RBFOX2: variants seen among roughly 807,000 people sequenced by gnomAD.
The protein encoded by RBFOX2 is RNA binding protein fox-1 homolog 2.
In RBFOX2, 10 loss-of-function variants were observed where a neutral mutation model predicts 49.1. That is an observed-to-expected ratio of 0.20 (90% CI 0.13 to 0.35). The LOEUF is 0.35. Among genes scored for constraint, RBFOX2 ranks in the 10% least tolerant of loss-of-function variants. RBFOX2 has a pLI of 1.00. For missense variants in RBFOX2, 323 were observed against 486.9 expected (o/e 0.66, Z 3.17); for synonymous variants, 183 against 187.4 (o/e 0.98, Z 0.19).
intron 1 of RBFOX2, among the ~76,000 whole-genome samples, chr22:35,909,893 G>A (rs1377107526): frequency 6.6e-6 from 1 of 152,212 alleles, no homozygotes; most frequent in Non-Finnish European, 1.5e-5. Context: ...GATTATAGGC[G>A]TGAGCCACTG....
Position 35,885,973 on chromosome 22 carries a change from C to T in RBFOX2, c.-34+52874G>A, listed in dbSNP as rs138127616. On this transcript the variant is annotated intron_variant, in intron 1 of 13. Coordinates refer to the RBFOX2 transcript ENST00000359369. Reference sequence around the variant, plus strand: ...CCGGGTCCACGCCATTCTCCTGCCTCAGCCTCCTGAGTAGCTGGAACTACA... The same window carrying T: ...CCGGGTCCACGCCATTCTCCTGCCTTAGCCTCCTGAGTAGCTGGAACTACA... Among the ~76,000 whole-genome samples the T allele has an allele frequency of 4.3e-3, 646 of 150,040 alleles. 2 individuals carry two copies. The highest frequency in any genetic ancestry group is 0.015 in the African/African-American group (618 of 40,776).
At chr22:35,804,975 A>G (rs1351560668) in intron 2 of RBFOX2, among the ~76,000 whole-genome samples, 5 of 152,148 alleles carry the variant, frequency 3.3e-5, no homozygotes, top group Non-Finnish European at 7.4e-5. Flanking sequence ...ATAATAAGAA[A>G]ACAAACAACC....
chr22:35,819,086 G>A (rs1953856630), intron 1 of RBFOX2, among the ~76,000 whole-genome samples: 1 of 152,114 alleles, frequency 6.6e-6, no homozygotes, highest in Non-Finnish European at 1.5e-5. Context: ...GTCAACCAGG[G>A]ACTGAATCAT....
At chr22:35,797,179 C>A (rs1284931916) in intron 2 of RBFOX2, among the ~76,000 whole-genome samples, 1 of 152,022 alleles carries the variant, frequency 6.6e-6, no homozygotes, top group Non-Finnish European at 1.5e-5. Context: ...TCTTTTAAAT[C>A]AAAATATCAG....
At chr22:35,740,477 A>C (rs896441294) in exon 12 of RBFOX2, 2 of 152,548 alleles carry the variant, frequency 1.3e-5, no homozygotes, top group African/African-American at 4.8e-5. Context: ...TCCTATCTTA[A>C]AACAGTGCAA....
At chr22:35,964,739 G>A (rs767631282), upstream of RBFOX2, among the ~76,000 whole-genome samples, 3 of 152,158 alleles carry the variant, frequency 2.0e-5, no homozygotes, top group Non-Finnish European at 4.4e-5. Context: ...AGAGGACCAT[G>A]CTAAAGAGGC....
chr22:35,760,344 C>T (rs1490573512), intron 8 of RBFOX2, among the ~76,000 whole-genome samples: 1 of 152,096 alleles, frequency 6.6e-6, no homozygotes, highest in Non-Finnish European at 1.5e-5. Context: ...AGAATGACTG[C>T]CATAATAAGA....
intron 2 of RBFOX2, among the ~76,000 whole-genome samples, chr22:35,802,660 C>A (rs1949993985): frequency 6.6e-6 from 1 of 152,046 alleles, no homozygotes; most frequent in African/African-American, 2.4e-5. Flanking sequence ...CTAAAAGGGG[C>A]CAACCTGGTG....
chr22:35,876,853 GAAATAA>G lies in RBFOX2; in HGVS notation c.-34+61988_-34+61993del, dbSNP rs543938570. Among the ~76,000 whole-genome samples the G allele has an allele frequency of 8.3e-4, 126 of 152,008 alleles. 1 individual carries two copies. Among genetic ancestry groups the G allele is most frequent in the African/African-American group, 3.0e-3 (123 of 41,462 alleles). ...AATGTACCTGAACTACTATCCATCT[GAAATAA>G]AAATAAACAAAAAACAAGATAGCTA... On this transcript the variant is annotated intron_variant, in intron 1 of 13. Transcript: ENST00000359369.
chr22:35,796,041 G>A (rs1007007035), intron 2 of RBFOX2, among the ~76,000 whole-genome samples: 3 of 152,060 alleles, frequency 2.0e-5, no homozygotes, highest in Non-Finnish European at 4.4e-5. Context: ...GTCTTGCCTT[G>A]TTACCCAGGC....
intron 1 of RBFOX2, among the ~76,000 whole-genome samples, chr22:36,024,512 C>T (rs917644796): frequency 6.6e-6 from 1 of 152,030 alleles, no homozygotes; most frequent in Non-Finnish European, 1.5e-5. Flanking sequence ...GAGGCCAACG[C>T]AGGCGATCAC....
chr22:36,020,774 A>T (rs2146521119), intron 1 of RBFOX2, among the ~76,000 whole-genome samples: 1 of 152,362 alleles, frequency 6.6e-6, no homozygotes, highest in South Asian at 2.1e-4. Context: ...GTGGAGAAAT[A>T]GGAACACTTT....
intron 1 of RBFOX2, among the ~76,000 whole-genome samples, chr22:36,011,269 A>G (rs1332165199): frequency 6.6e-6 from 1 of 152,198 alleles, no homozygotes; most frequent in East Asian, 1.9e-4. Flanking sequence ...TCACTCAGAC[A>G]TCTCTAAAAG....
At chr22:35,846,922 C>T (rs945201820) in intron 1 of RBFOX2, among the ~76,000 whole-genome samples, 2 of 152,148 alleles carry the variant, frequency 1.3e-5, no homozygotes, top group African/African-American at 4.8e-5. Flanking sequence ...GCCCCATTCA[C>T]CACTTGGATG....
intron 1 of RBFOX2, among the ~76,000 whole-genome samples, chr22:35,816,138 T>C (rs1045580162): frequency 1.3e-5 from 2 of 152,250 alleles, no homozygotes; most frequent in South Asian, 2.1e-4. Flanking sequence ...GATAAACACA[T>C]ACAAAGACAA....
intron 1 of RBFOX2, among the ~76,000 whole-genome samples, chr22:35,856,315 G>A (rs2042507748): frequency 6.6e-6 from 1 of 152,106 alleles, no homozygotes; most frequent in African/African-American, 2.4e-5. Flanking sequence ...GCAAGCACTG[G>A]TTAAGTTCAG....
intron 1 of RBFOX2, among the ~76,000 whole-genome samples, chr22:35,816,353 T>C (rs1283188207): frequency 2.0e-5 from 3 of 152,176 alleles, no homozygotes; most frequent in African/African-American, 4.8e-5. Flanking sequence ...AGAGGAGAGC[T>C]GTAGGGTAGA....
At chr22:35,942,358 A>G (rs1400510895), upstream of RBFOX2, among the ~76,000 whole-genome samples, 1 of 152,176 alleles carries the variant, frequency 6.6e-6, no homozygotes, top group Admixed American at 6.5e-5. Context: ...GTAATTTGGC[A>G]GTACTATCAA....
At chr22:35,903,431 T>A (rs1205593644) in intron 1 of RBFOX2, among the ~76,000 whole-genome samples, 1 of 152,172 alleles carries the variant, frequency 6.6e-6, no homozygotes, top group African/African-American at 2.4e-5. Flanking sequence ...GACAGACCTC[T>A]AAAAGGCAAG....
Sources: gnomAD v4.1 joint callset for allele counts (sites outside exome capture counted in the v4.1 genomes callset) on GRCh38, gnomAD v4.1.1 for gene constraint, MANE v1.5 for transcripts, NCBI Gene and HGNC (gene_info 2026-07-23, HGNC 2026-07-21) for gene names.